The following SFMBT2 variants were observed in gnomAD, a reference collection of about 807,000 sequenced individuals.
SFMBT2 encodes the protein Scm like with four mbt domains 2, also known as scm-like with four MBT domains protein 2.
A neutral mutation model predicts 110.1 loss-of-function variants in SFMBT2; 38 were observed. That is an observed-to-expected ratio of 0.35 (90% CI 0.27 to 0.45). The LOEUF (loss-of-function observed/expected upper bound fraction) is 0.45, where lower values mean the gene tolerates loss of function less well. Among genes scored for constraint, SFMBT2 ranks in the 20% least tolerant of loss-of-function variants. The pLI, the probability that SFMBT2 is intolerant of heterozygous loss-of-function variation, is 1.00. For synonymous variants in SFMBT2, 425 were observed against 425.4 expected, an observed-to-expected ratio of 1.00 and a Z score of 0.01; for missense variants, 1,011 against 1,094.9, an observed-to-expected ratio of 0.92 and a Z score of 1.08.
chr10:7,315,506 A>G (rs1197519508), intron 4 of SFMBT2, among the ~76,000 whole-genome samples: 1 of 152,192 alleles, frequency 6.6e-6, no homozygotes, highest in Non-Finnish European at 1.5e-5. Context: ...CACCAGTTCC[A>G]GTTCTCAGGC....
At chr10:7,272,065 C>T (rs749865467) in intron 7 of SFMBT2, among the ~76,000 whole-genome samples, 1 of 152,098 alleles carries the variant, frequency 6.6e-6, no homozygotes, top group African/African-American at 2.4e-5. Flanking sequence ...CAAGGAGGGG[C>T]ACGGAAGGAG....
intron 7 of SFMBT2, among the ~76,000 whole-genome samples, chr10:7,265,378 A>C (rs1211337245): frequency 6.6e-6 from 1 of 151,926 alleles, no homozygotes; most frequent in Non-Finnish European, 1.5e-5. Context: ...ATTTTTGTAT[A>C]TTGTGTAGAG....
At chr10:7,342,493 C>G (rs1843950285) in intron 4 of SFMBT2, among the ~76,000 whole-genome samples, 1 of 142,094 alleles carries the variant, frequency 7.0e-6, no homozygotes. Flanking sequence ...ACTGCAAACT[C>G]CGCCTCCCGG....
intron 4 of SFMBT2, among the ~76,000 whole-genome samples, chr10:7,287,006 A>T (rs1404335503): frequency 6.6e-6 from 1 of 151,886 alleles, no homozygotes; most frequent in Non-Finnish European, 1.5e-5. Context: ...CAGTTATCCA[A>T]GTAGAAAAGT....
chr10:7,287,173 A>G (rs944295347), intron 4 of SFMBT2, among the ~76,000 whole-genome samples: 7 of 132,694 alleles, frequency 5.3e-5, no homozygotes, highest in African/African-American at 1.7e-4. Flanking sequence ...TCCGCCTCCC[A>G]GGTTCACGCC....
chr10:7,253,935 T>G (rs1462780152), intron 7 of SFMBT2, among the ~76,000 whole-genome samples: 2 of 151,794 alleles, frequency 1.3e-5, no homozygotes, highest in Non-Finnish European at 2.9e-5. Context: ...ACAAAACAAT[T>G]AAGAGTTTGG....
intron 4 of SFMBT2, chr10:7,287,246 A>AT (rs1234701837): frequency 1.3e-5 from 2 of 152,682 alleles, no homozygotes; most frequent in Admixed American, 6.6e-5. Flanking sequence ...TGCCCGGCTA[A>AT]TTTTTTGTAT....
intron 7 of SFMBT2, among the ~76,000 whole-genome samples, chr10:7,255,260 A>G (rs1840962983): frequency 6.6e-6 from 1 of 152,142 alleles, no homozygotes; most frequent in Admixed American, 6.5e-5. Context: ...GATAATGGAA[A>G]ATTCACTGTC....
chr10:7,273,219 A>G (rs1016606340), intron 7 of SFMBT2, among the ~76,000 whole-genome samples: 2 of 152,274 alleles, frequency 1.3e-5, no homozygotes, highest in African/African-American at 4.8e-5. Flanking sequence ...GGAAATGTAG[A>G]CAGCATTTTA....
At chr10:7,406,928 G>A (rs1404032396) in intron 1 of SFMBT2, among the ~76,000 whole-genome samples, 2 of 151,584 alleles carry the variant, frequency 1.3e-5, no homozygotes, top group Non-Finnish European at 1.5e-5. Context: ...GTTCTGCACC[G>A]GCCCAAGAAT....
intron 7 of SFMBT2, among the ~76,000 whole-genome samples, chr10:7,250,250 C>T (rs997413624): frequency 3.9e-5 from 6 of 152,202 alleles, no homozygotes; most frequent in African/African-American, 1.4e-4. Context: ...CCCCCCTCCC[C>T]TCTAGTAGTC....
intron 12 of SFMBT2, chr10:7,204,282 G>A (rs375301426): frequency 4.5e-5 from 41 of 921,064 alleles, no homozygotes; most frequent in African/African-American, 2.9e-4. Context: ...AAACTCTGTC[G>A]CCATCAGGGA....
At chr10:7,210,551 T>C (rs970446249) in intron 11 of SFMBT2, among the ~76,000 whole-genome samples, 1 of 152,218 alleles carries the variant, frequency 6.6e-6, no homozygotes, top group Non-Finnish European at 1.5e-5. Context: ...AAAAGAAGTA[T>C]TTAAGGGAAT....
intron 4 of SFMBT2, among the ~76,000 whole-genome samples, chr10:7,349,596 T>A (rs1252745733): frequency 6.6e-6 from 1 of 151,688 alleles, no homozygotes; most frequent in Non-Finnish European, 1.5e-5. Flanking sequence ...TAGCTAGGAT[T>A]ACAGGTGCCC....
At chr10:7,201,631 G>A (rs1384866586) in intron 13 of SFMBT2, among the ~76,000 whole-genome samples, 9 of 152,190 alleles carry the variant, frequency 5.9e-5, no homozygotes, top group Non-Finnish European at 1.0e-4. Context: ...GAAAAATGCT[G>A]TTTTCACCTG....
chr10:7,317,013 CT>C lies in SFMBT2; in HGVS notation c.437-31060del, dbSNP rs1034753810. ...ATCTAGTGTGTGGCAGAGCTCACAA[CT>C]GTGTACTAAATGAGCACATACTTCC... is the stretch of plus-strand genomic sequence containing the variant. On this transcript the variant is annotated intron_variant, in intron 4 of 20. Coordinates refer to ENST00000397167, the MANE Select transcript of SFMBT2 (RefSeq NM_001387889.1). Among the ~76,000 whole-genome samples, 3 of 152,308 alleles carry C rather than the reference CT, an allele frequency of 2.0e-5. No homozygotes were observed. In the South Asian group the frequency reaches 6.2e-4, roughly 32 times the overall value.
chr10:7,341,903 A>G (rs991677023), intron 4 of SFMBT2, among the ~76,000 whole-genome samples: 1 of 152,224 alleles, frequency 6.6e-6, no homozygotes, highest in Admixed American at 6.5e-5. Flanking sequence ...AAGTTTTCAA[A>G]GCAGAATGGA....
At chr10:7,228,709 T>TTCTC (rs1491165860) in intron 9 of SFMBT2, among the ~76,000 whole-genome samples, 3 of 133,454 alleles carry the variant, frequency 2.2e-5, no homozygotes, top group Non-Finnish European at 4.8e-5. Flanking sequence ...CTTTCTTTCT[T>TTCTC]TCTTTCTTTC....
intron 1 of SFMBT2, among the ~76,000 whole-genome samples, chr10:7,404,594 C>G (rs1187744537): frequency 2.6e-5 from 4 of 152,182 alleles, no homozygotes; most frequent in Admixed American, 6.5e-5. Context: ...CTGGATCTAT[C>G]AAAATGTGTC....
Sources: allele counts gnomAD v4.1 joint callset (sites outside exome capture counted in the v4.1 genomes callset), GRCh38; gene constraint gnomAD v4.1.1; transcripts MANE v1.5; gene names NCBI Gene and HGNC (gene_info 2026-07-23, HGNC 2026-07-21).